Variants in HDAC9 observed in about 807,000 individuals in gnomAD.
HDAC9 encodes MEF-2 interacting transcription repressor (MITR) protein.
Under a neutral mutation model 139.4 loss-of-function variants are expected in HDAC9, and 41 were observed. The observed-to-expected ratio is 0.29, with a 90% CI of 0.23 to 0.38. The LOEUF (loss-of-function observed/expected upper bound fraction) is 0.38, where lower values mean the gene tolerates loss of function less well. Among genes scored for constraint, HDAC9 ranks in the 10% least tolerant of loss-of-function variants. HDAC9 has a pLI of 1.00. For synonymous variants in HDAC9, 517 were observed against 476.2 expected (o/e 1.09, Z -1.12); for missense variants, 1,147 against 1,297.0 (o/e 0.88, Z 1.78).
chr7:18,957,808 G>C (rs1040085649), intron 24 of HDAC9, among the ~76,000 whole-genome samples: 1 of 152,004 alleles, frequency 6.6e-6, no homozygotes, highest in South Asian at 2.1e-4. Context: ...TCAACTTTAG[G>C]GGGTGTTCAG....
At chr7:18,702,668 C>T (rs544758659) in intron 12 of HDAC9, among the ~76,000 whole-genome samples, 4 of 152,254 alleles carry the variant, frequency 2.6e-5, no homozygotes, top group East Asian at 3.9e-4. Flanking sequence ...GAAATCCCCT[C>T]ATGGGAGGTG....
At chr7:18,927,904 TC>T (rs1804375887) in intron 22 of HDAC9, among the ~76,000 whole-genome samples, 1 of 152,196 alleles carries the variant, frequency 6.6e-6, no homozygotes, top group African/African-American at 2.4e-5. Context: ...CTAGAGGCTT[TC>T]CTCAATAGAA....
intron 24 of HDAC9, among the ~76,000 whole-genome samples, chr7:18,969,058 CCA>C (rs145223691): frequency 9.5e-5 from 14 of 147,400 alleles, no homozygotes; most frequent in Admixed American, 3.4e-4. Context: ...GATGAAGTTG[CCA>C]CACACACACA....
chr7:18,352,403 T>C (rs1406567229), intron 1 of HDAC9, among the ~76,000 whole-genome samples: 1 of 152,148 alleles, frequency 6.6e-6, no homozygotes, highest in Admixed American at 6.6e-5. Flanking sequence ...TGAAAACTAT[T>C]TGAGATAGAA....
chr7:18,934,799 A>G (rs374502196), intron 22 of HDAC9, among the ~76,000 whole-genome samples: 2 of 152,196 alleles, frequency 1.3e-5, no homozygotes, highest in Non-Finnish European at 2.9e-5. Flanking sequence ...AGACTCAACA[A>G]TTCTGTTTCA....
intron 1 of HDAC9, among the ~76,000 whole-genome samples, chr7:18,108,828 G>T (rs1034990090): frequency 2.6e-5 from 4 of 151,970 alleles, no homozygotes; most frequent in African/African-American, 4.8e-5. Flanking sequence ...CACCATGTTG[G>T]TCAGGTTGGT....
rs79671409 is a variant in HDAC9, at chr7:18,157,659, A to G, written c.-96-4570A>G. Among the ~76,000 whole-genome samples, 304 of 152,348 alleles carry G rather than the reference A, an allele frequency of 2.0e-3. 6 individuals are homozygous for G. The East Asian group carries it at 0.051, about 25-fold the overall frequency. On this transcript the variant is annotated intron_variant, in intron 1 of 12. Coordinates refer to the HDAC9 transcript ENST00000417496. ...TAAAAGCAAGAAACAGAGAAATGAA[A>G]TAGAATCTAAGGTTTCCATATTGGG... is the stretch of plus-strand genomic sequence containing the variant.
Position 18,648,488 on chromosome 7 carries a change from G to A in HDAC9, c.1272G>A (p.Gln424=). The A allele has an allele frequency of 6.2e-7, 1 of 1,612,508 alleles. No homozygotes were observed. Among genetic ancestry groups the A allele is most frequent in the Non-Finnish European group, 8.5e-7 (1 of 1,179,564 alleles). ...LVAGGVPLHP[Q]SPLATKERIS... is the part of the protein sequence containing the mutation. ...CAGGTGGAGTTCCCTTACATCCTCAGTCTCCCTTGGCAACAAAAGAGAGAA... is the reference window on the plus strand; with the variant it reads ...CAGGTGGAGTTCCCTTACATCCTCAATCTCCCTTGGCAACAAAAGAGAGAA... Residue 424 remains glutamine, a synonymous_variant, in exon 11 of 26, where the codon CAG becomes CAA. Coordinates refer to ENST00000686413, the MANE Select transcript of HDAC9 (RefSeq NM_178425.4).
intron 2 of HDAC9, among the ~76,000 whole-genome samples, chr7:18,542,454 A>T (rs1235737880): frequency 6.6e-6 from 1 of 152,230 alleles, no homozygotes; most frequent in Admixed American, 6.5e-5. Flanking sequence ...TGCCTAAGTT[A>T]ATATTTGAAT....
intron 13 of HDAC9, among the ~76,000 whole-genome samples, chr7:18,746,841 A>G (rs1321451635): frequency 6.6e-6 from 1 of 152,070 alleles, no homozygotes; most frequent in Non-Finnish European, 1.5e-5. Context: ...TACAATTAAC[A>G]AAATTATACA....
intron 11 of HDAC9, among the ~76,000 whole-genome samples, chr7:18,653,347 C>T (rs1464618711): frequency 6.6e-6 from 1 of 151,458 alleles, no homozygotes; most frequent in African/African-American, 2.4e-5. Context: ...TTAATTACTT[C>T]TCTGGATTAT....
At chr7:18,565,072 C>A (rs1019584225) in intron 2 of HDAC9, among the ~76,000 whole-genome samples, 21 of 151,930 alleles carry the variant, frequency 1.4e-4, no homozygotes, top group Non-Finnish European at 1.6e-4. Context: ...ATTTGGCTCA[C>A]CGCAACCTCT....
chr7:18,898,797 C>T (rs368861619), intron 22 of HDAC9, among the ~76,000 whole-genome samples: 5 of 151,820 alleles, frequency 3.3e-5, no homozygotes, highest in Admixed American at 6.6e-5. Flanking sequence ...TATTGTCTAT[C>T]TGATTGCATA....
At chr7:18,741,392 C>G (rs1787437843) in intron 13 of HDAC9, among the ~76,000 whole-genome samples, 1 of 152,166 alleles carries the variant, frequency 6.6e-6, no homozygotes, top group Non-Finnish European at 1.5e-5. Context: ...TACCTGTGCT[C>G]TATAAATGGA....
Position 18,644,717 on chromosome 7 carries a change from A to G in HDAC9, c.959A>G (p.Asn320Ser), listed in dbSNP as rs754526268. The change falls in exon 9 of 26, where the codon AAC becomes AGC. Residue 320 changes from asparagine (N) to serine (S), a missense_variant. By Grantham distance (46) the Asn-to-Ser change is conservative. Coordinates refer to ENST00000686413, the MANE Select transcript of HDAC9 (RefSeq NM_178425.4). ...ATTCTAATTCATGAAGATTCCATGA[A>G]CCTGCTAAGTCTTTATACCTCTCCT... The part of the protein sequence containing the change: ...QRILIHEDSM[N>S]LLSLYTSPSL... 1.2e-6 allele frequency: 2 copies of G among 1,612,066 alleles called. No homozygotes were observed. Among genetic ancestry groups the G allele is most frequent in the East Asian group, 2.2e-5 (1 of 44,704 alleles).
At chr7:18,840,611 T>C (rs912023709) in intron 21 of HDAC9, among the ~76,000 whole-genome samples, 8 of 152,120 alleles carry the variant, frequency 5.3e-5, no homozygotes, top group Admixed American at 1.3e-4. Context: ...TACTAAAATA[T>C]TTTGGACATA....
chr7:18,558,833 A>G (rs1263719428), intron 2 of HDAC9, among the ~76,000 whole-genome samples: 1 of 152,226 alleles, frequency 6.6e-6, no homozygotes, highest in Non-Finnish European at 1.5e-5. Context: ...TCTCAGATTC[A>G]CTAGCTCAAC....
At chr7:18,954,859 G>T (rs1219790733) in intron 24 of HDAC9, among the ~76,000 whole-genome samples, 1 of 152,084 alleles carries the variant, frequency 6.6e-6, no homozygotes, top group Non-Finnish European at 1.5e-5. Context: ...GTTTGCTACT[G>T]TCTTGTAGAA....
chr7:18,727,620 G>C lies in HDAC9; in HGVS notation c.1772G>C (p.Arg591Pro). 3 of 1,588,634 alleles carry C rather than the reference G, an allele frequency of 1.9e-6. No homozygotes were observed. Among genetic ancestry groups the C allele is most frequent in the Non-Finnish European group, 2.6e-6 (3 of 1,170,896 alleles). The change falls in exon 13 of 26, where the codon CGC becomes CCC. Residue 591 changes from arginine to proline, a missense_variant. Around this residue, in one of 7 missense-constraint regions of HDAC9, gnomAD observed 256 missense variants for 219.2 expected, o/e 1.17. Coordinates refer to ENST00000686413, the MANE Select transcript of HDAC9 (RefSeq NM_178425.4). The part of the protein sequence containing the change: ...EPTHTRALSV[R>P]QAPLAAVGMD... The stretch of plus-strand genomic sequence containing the variant: ...ACGCACACACGTGCGCTCTCTGTGC[G>C]CCAAGCTCCGCTGGCTGCGGTTGGC...
Sources: allele counts gnomAD v4.1 joint callset (sites outside exome capture counted in the v4.1 genomes callset), GRCh38; gene constraint gnomAD v4.1.1; regional missense constraint gnomAD v4.1.1; transcripts MANE v1.5; gene names NCBI Gene and HGNC (gene_info 2026-07-23, HGNC 2026-07-21).